Variants in MAGI3 observed in about 807,000 individuals in gnomAD.
MAGI3 encodes the protein membrane-associated guanylate kinase, WW and PDZ domain-containing protein 3.
A neutral mutation model predicts 121.8 loss-of-function variants in MAGI3; 43 were observed. That is an observed-to-expected ratio of 0.35 (90% CI 0.28 to 0.46). MAGI3 has a LOEUF of 0.46. Ranked by LOEUF, MAGI3 falls within the 20% of genes least tolerant of loss-of-function variation. MAGI3 has a pLI of 1.00. For synonymous variants in MAGI3, 553 were observed against 639.3 expected (o/e 0.86, Z 2.04); for missense variants, 1,547 against 1,797.3 (o/e 0.86, Z 2.52).
intron 12 of MAGI3, among the ~76,000 whole-genome samples, chr1:113,647,967 A>G (rs931648336): frequency 3.3e-5 from 5 of 149,762 alleles, no homozygotes; most frequent in Non-Finnish European, 7.4e-5. Flanking sequence ...TGTCACCCGG[A>G]GCTGGAGTGC....
At chr1:113,617,243 T>C (rs2101780390) in intron 7 of MAGI3, among the ~76,000 whole-genome samples, 1 of 152,354 alleles carries the variant, frequency 6.6e-6, no homozygotes, top group African/African-American at 2.4e-5. Context: ...TAAATCCAGA[T>C]ATTAGACATA....
intron 1 of MAGI3, among the ~76,000 whole-genome samples, chr1:113,478,156 C>G (rs1655935809): frequency 6.6e-6 from 1 of 152,082 alleles, no homozygotes; most frequent in African/African-American, 2.4e-5. Flanking sequence ...TTTTAGCTTC[C>G]TTGTGATGGG....
intron 6 of MAGI3, among the ~76,000 whole-genome samples, chr1:113,603,871 C>T (rs1167438649): frequency 6.6e-6 from 1 of 152,002 alleles, no homozygotes; most frequent in Non-Finnish European, 1.5e-5. Context: ...AAAGAAGATA[C>T]ACAAATGGCC....
intron 1 of MAGI3, among the ~76,000 whole-genome samples, chr1:113,419,613 G>A (rs1472870714): frequency 6.7e-6 from 1 of 149,932 alleles, no homozygotes; most frequent in South Asian, 2.1e-4. Context: ...AAAAAAGAAA[G>A]ATTGGGAATA....
At chr1:113,489,935 G>A (rs1656590070) in intron 1 of MAGI3, among the ~76,000 whole-genome samples, 1 of 152,064 alleles carries the variant, frequency 6.6e-6, no homozygotes, top group Non-Finnish European at 1.5e-5. Context: ...GAAAGAGATG[G>A]GGAGAATGGA....
intron 2 of MAGI3, among the ~76,000 whole-genome samples, chr1:113,562,684 G>A (rs1022997735): frequency 6.6e-6 from 1 of 152,212 alleles, no homozygotes; most frequent in Non-Finnish European, 1.5e-5. Flanking sequence ...GGGGCCTGTT[G>A]GAGGGTTGCG....
At chr1:113,417,234 C>A (rs1570645971) in intron 1 of MAGI3, among the ~76,000 whole-genome samples, 1 of 151,904 alleles carries the variant, frequency 6.6e-6, no homozygotes, top group Non-Finnish European at 1.5e-5. Flanking sequence ...TCAAAAATCC[C>A]CCATAAAATT....
At chr1:113,516,512 A>G (rs1016879286) in intron 1 of MAGI3, among the ~76,000 whole-genome samples, 3 of 152,044 alleles carry the variant, frequency 2.0e-5, no homozygotes, top group African/African-American at 7.2e-5. Context: ...TATGCAAAAA[A>G]AATAAATAGA....
intron 2 of MAGI3, among the ~76,000 whole-genome samples, chr1:113,554,826 T>C (rs774033132): frequency 6.6e-6 from 1 of 151,754 alleles, no homozygotes; most frequent in Non-Finnish European, 1.5e-5. Context: ...TAAAAAACCA[T>C]TGATAAAAAG....
Position 113,549,508 on chromosome 1 carries a change from G to GTTTT in MAGI3, c.317-7_317-6insTTTT. ...TTTTCTGTTTTTTTTTTTTGTCTTT[G>GTTTT]CTCCAGGCAAAGTCATTAATAAAGA... On this transcript the variant is annotated splice_polypyrimidine_tract_variant and splice_region_variant and intron_variant, in intron 1 of 20. Coordinates refer to ENST00000307546, the MANE Select transcript of MAGI3 (RefSeq NM_001142782.2). 1 of 1,248,898 alleles carries GTTTT rather than the reference G, an allele frequency of 8.0e-7. No homozygotes were observed. Among genetic ancestry groups the GTTTT allele is most frequent in the Non-Finnish European group, 1.1e-6 (1 of 912,576 alleles). The allele number at this position is 1,248,898 out of a possible 1,614,324, so 77.4% of individuals were successfully genotyped here.
At chr1:113,631,538 A>T (rs1651632433) in intron 9 of MAGI3, among the ~76,000 whole-genome samples, 1 of 152,166 alleles carries the variant, frequency 6.6e-6, no homozygotes, top group Non-Finnish European at 1.5e-5. Context: ...TATAACTTTG[A>T]GATAATCCTT....
At chr1:113,506,443 A>G (rs1045487550) in intron 1 of MAGI3, among the ~76,000 whole-genome samples, 1 of 151,324 alleles carries the variant, frequency 6.6e-6, no homozygotes, top group African/African-American at 2.4e-5. Flanking sequence ...ATGGTTGTAG[A>G]TCACACCAGT....
chr1:113,463,310 G>C (rs1655120756), intron 1 of MAGI3, among the ~76,000 whole-genome samples: 1 of 151,210 alleles, frequency 6.6e-6, no homozygotes, highest in African/African-American at 2.4e-5. Flanking sequence ...AGGAAAGAGA[G>C]GATAAATGGA....
In MAGI3 at chr1:113,683,967, GGA is replaced by G; in HGVS notation, c.4400_4401del (p.Gly1467GlufsTer2). ...ITPGPWKVPS[G>X]NKVTGTIGMA... ...TCCAGGGCCCTGGAAGGTTCCAAGT[GGA>G]AATAAAGTCACAGGCACTATTGGTA... On this transcript the variant is annotated frameshift_variant, in exon 21 of 21. Coordinates refer to ENST00000307546, the MANE Select transcript of MAGI3 (RefSeq NM_001142782.2). LOFTEE classifies it high-confidence loss of function. 1.9e-6 allele frequency: 3 copies of G among 1,599,116 alleles called. No individual in the cohort carries two copies. Among genetic ancestry groups the G allele is most frequent in the Non-Finnish European group, 2.6e-6 (3 of 1,174,734 alleles).
At chr1:113,444,659 C>T (rs1390968798) in intron 1 of MAGI3, among the ~76,000 whole-genome samples, 1 of 152,110 alleles carries the variant, frequency 6.6e-6, no homozygotes, top group African/African-American at 2.4e-5. Context: ...TCCAGAGTAA[C>T]CATATTATTA....
intron 1 of MAGI3, among the ~76,000 whole-genome samples, chr1:113,537,712 A>C (rs2101650618): frequency 6.6e-6 from 1 of 152,296 alleles, no homozygotes; most frequent in South Asian, 2.1e-4. Flanking sequence ...TTTAAGAGAT[A>C]ATAAATTTTT....
chr1:113,629,019 C>T (rs1651423778), intron 9 of MAGI3, among the ~76,000 whole-genome samples: 1 of 152,050 alleles, frequency 6.6e-6, no homozygotes, highest in Non-Finnish European at 1.5e-5. Flanking sequence ...CTCATTTTTT[C>T]TGTACCTCCT....
At chr1:113,554,895 G>A (rs1659926103) in intron 2 of MAGI3, among the ~76,000 whole-genome samples, 1 of 152,184 alleles carries the variant, frequency 6.6e-6, no homozygotes, top group Non-Finnish European at 1.5e-5. Context: ...GGAAGCTGAG[G>A]TGGGAGGATC....
At chr1:113,628,883 C>T (rs1651417274) in intron 9 of MAGI3, among the ~76,000 whole-genome samples, 1 of 152,072 alleles carries the variant, frequency 6.6e-6, no homozygotes, top group Admixed American at 6.6e-5. Flanking sequence ...TTTTTAAATG[C>T]CATGAGGTAG....
Sources: gnomAD v4.1 joint callset for allele counts (sites outside exome capture counted in the v4.1 genomes callset) on GRCh38, gnomAD v4.1.1 for gene constraint, MANE v1.5 for transcripts, NCBI Gene and HGNC (gene_info 2026-07-23, HGNC 2026-07-21) for gene names.